Variants in C14orf180 observed in about 807,000 individuals in gnomAD.
C14orf180 encodes the protein nutritionally-regulated adipose and cardiac enriched protein homolog.
In C14orf180, 13 loss-of-function variants were observed where a neutral mutation model predicts 13.9. The ratio of observed to expected loss-of-function variants is 0.94; its 90% CI spans 0.61 to 1.49. The LOEUF (loss-of-function observed/expected upper bound fraction) is 1.49. C14orf180 is among the 40% of genes most tolerant of loss of function. The pLI, the probability that C14orf180 is intolerant of heterozygous loss-of-function variation, is 0.00. For missense variants in C14orf180, 238 were observed against 232.0 expected, an observed-to-expected ratio of 1.03 and a Z score of -0.17; for synonymous variants, 113 against 106.3, an observed-to-expected ratio of 1.06 and a Z score of -0.39.
Position 104,588,736 on chromosome 14 carries a change from C to T in C14orf180, c.436C>T (p.Leu146=). The T allele has an allele frequency of 6.5e-7, 1 of 1,535,786 alleles. No individual in the cohort carries two copies. Among genetic ancestry groups the T allele is most frequent in the South Asian group, 1.2e-5 (1 of 83,972 alleles). The change falls in exon 5 of 5, where the codon CTG becomes TTG. Residue 146 remains leucine, a synonymous_variant. Coordinates refer to ENST00000557649, the MANE Select transcript of C14orf180 (RefSeq NM_001008404.3). The part of the protein sequence containing the change: ...RARLLGLVLH[L]RHVALTCWRG... ...CCGGCTCCTCGGCCTTGTCCTGCAC[C>T]TGCGGCACGTGGCCCTCACCTGCTG...
rs1357356204 is a variant in C14orf180, at chr14:104,589,061, T to C, written c.*278T>C. ...AGAAAGAGGATTCGACTGCTAACAG[T>C]TGAGGCTCCCCAGGCTCACCCAAAG... On this transcript the variant is annotated 3_prime_UTR_variant, in exon 5 of 5. Coordinates refer to ENST00000557649, the MANE Select transcript of C14orf180 (RefSeq NM_001008404.3). The surrounding 1 kb of genome is among the most constrained non-coding windows in gnomAD (Gnocchi z 4.9). The C allele has an allele frequency of 1.1e-5, 7 of 621,542 alleles. No homozygotes were observed. The Admixed American group carries it at 2.2e-4, about 19-fold the overall frequency. The allele number at this position is 621,542 out of a possible 1,614,324, so 38.5% of individuals were successfully genotyped here.
intron 1 of C14orf180, among the ~76,000 whole-genome samples, chr14:104,580,856 G>A (rs973164862): frequency 3.9e-5 from 6 of 152,246 alleles, no homozygotes; most frequent in African/African-American, 1.4e-4. Flanking sequence ...TCTGTCTGGA[G>A]CTCTCGAGGC....
Position 104,588,664 on chromosome 14 carries a change from T to G in C14orf180, c.364T>G (p.Cys122Gly). 1 of 1,534,142 alleles carries G rather than the reference T, an allele frequency of 6.5e-7. No homozygotes were observed. Among genetic ancestry groups the G allele is most frequent in the Non-Finnish European group, 8.7e-7 (1 of 1,145,548 alleles). The change falls in exon 5 of 5, where the codon TGC (cysteine) becomes GGC (glycine). Residue 122 changes from cysteine (C) to glycine (G), a missense_variant. Transcript: ENST00000557649. ...GCTCGTGCTGGCCCTGGGCCTATAC[T>G]GCGGCCGGGCCAAGCCCGTGGCAAC... ...VLLVLALGLYCGRAKPVATAL... is the reference protein window; with the variant it reads ...VLLVLALGLYGGRAKPVATAL...
In C14orf180 at chr14:104,588,773, T is replaced by C; in HGVS notation, c.473T>C (p.Leu158Pro). The C allele has an allele frequency of 2.6e-6, 4 of 1,518,774 alleles. No homozygotes were observed. The highest frequency in any genetic ancestry group is 1.2e-5 in the South Asian group (1 of 83,484). 94.1% of individuals were successfully genotyped at this position (1,518,774 alleles called of 1,614,324 possible). A position where few individuals can be genotyped will look rare whatever the true frequency, so the allele number is the denominator to read the frequency against. ...GCCCTCACCTGCTGGCGCGGCCTCC[T>C]GCGGCTCTGACGGGCAGGACGGGCA... is the stretch of plus-strand genomic sequence containing the variant. ...HVALTCWRGL[L>P]RL The change falls in exon 5 of 5, where the codon CTG (leucine) becomes CCG (proline). Residue 158 changes from leucine to proline, a missense_variant. Transcript: ENST00000557649.
rs200983223 is a variant in C14orf180 at position 104,586,549 on chromosome 14, G to A, written c.111+8G>A. On this transcript the variant is annotated splice_region_variant and intron_variant, in intron 2 of 4. Coordinates refer to ENST00000557649, the MANE Select transcript of C14orf180 (RefSeq NM_001008404.3). ...GTGTGCAGGGCAGAGAGGGTAAGGC[G>A]GGCCGCTGGGACACAGCTTCTGCAA... 5.2e-5 allele frequency: 78 copies of A among 1,498,304 alleles called. 1 individual carries two copies. In the East Asian group the frequency reaches 1.4e-3, roughly 26 times the overall value. 92.8% of individuals were successfully genotyped at this position (1,498,304 alleles called of 1,614,324 possible).
chr14:104,588,988 C>A lies in C14orf180; in HGVS notation c.*205C>A. Reference sequence around the variant, plus strand: ...CAGCAGGCGGCCCCGCCACACTAGTCAGCACAGCCCTCCTGTCTCCTGTGT... The same window carrying A: ...CAGCAGGCGGCCCCGCCACACTAGTAAGCACAGCCCTCCTGTCTCCTGTGT... On this transcript the variant is annotated 3_prime_UTR_variant, in exon 5 of 5. Transcript: ENST00000557649. 1 of 1,037,120 alleles carries A rather than the reference C, an allele frequency of 9.6e-7. No individual in the cohort carries two copies. Among genetic ancestry groups the A allele is most frequent in the Non-Finnish European group, 1.3e-6 (1 of 741,772 alleles). 64.2% of individuals were successfully genotyped at this position (1,037,120 alleles called of 1,614,324 possible).
At chr14:104,581,637 C>CAG (rs35642910) in intron 1 of C14orf180, 8,416 of 136,932 alleles carry the variant, frequency 0.061, 306 homozygotes, top group South Asian at 0.093. Flanking sequence ...TGGGCAGGGG[C>CAG]AGAGAGAGAG....
chr14:104,584,479 G>T (rs1886547439), intron 1 of C14orf180, among the ~76,000 whole-genome samples: 1 of 152,122 alleles, frequency 6.6e-6, no homozygotes, highest in African/African-American at 2.4e-5. Flanking sequence ...AGCCCTTCCA[G>T]CCCCAGCCCT....
rs1886686008 is a variant in C14orf180 at position 104,587,856 on chromosome 14, AC to A, written c.224del (p.Pro75GlnfsTer3). 6.2e-7 allele frequency: 1 copy of A among 1,609,384 alleles called. No homozygotes were observed. The highest frequency in any genetic ancestry group is 1.3e-5 in the African/African-American group (1 of 74,804). On this transcript the variant is annotated frameshift_variant, in exon 3 of 5. Coordinates refer to ENST00000557649, the MANE Select transcript of C14orf180 (RefSeq NM_001008404.3). LOFTEE classifies it high-confidence loss of function. ...CCTCGAGGCGCGTGTGGTTCCGAGA[AC>A]CCCCAGCGGTGACCGTCCACTGTAA... The part of the protein sequence containing the change: ...RTSRRVWFRE[P>X]PAVTVHYIAD...
intron 1 of C14orf180, among the ~76,000 whole-genome samples, chr14:104,582,105 T>C (rs1886458089): frequency 6.6e-6 from 1 of 151,962 alleles, no homozygotes; most frequent in Admixed American, 6.5e-5. Flanking sequence ...CGAGGAACCC[T>C]CAGGGAGGAC....
chr14:104,590,426 C>G lies in C14orf180; in HGVS notation c.*1643C>G, dbSNP rs1886807350. 3 of 152,346 alleles carry G rather than the reference C, an allele frequency of 2.0e-5. No homozygotes were observed. The highest frequency in any genetic ancestry group is 2.0e-4 in the Admixed American group (3 of 15,294). The allele number at this position is 152,346 out of a possible 1,614,324, so 9.4% of individuals were successfully genotyped here. On this transcript the variant is annotated 3_prime_UTR_variant, in exon 5 of 5. Transcript: ENST00000557649. The stretch of plus-strand genomic sequence containing the variant: ...GGACACCGCACAGGCCGATCTCCCC[C>G]AGCCGCTGCTGTCTGTCCACTGCAA...
chr14:104,588,225 G>A (rs372128905), intron 3 of C14orf180, 49 bp from the exon 4 acceptor site: 59 of 1,612,422 alleles, frequency 3.7e-5, no homozygotes, highest in African/African-American at 9.3e-5. Context: ...GGGGGCGCCC[G>A]ATGGACTGAG....
At position 104,589,918 on chromosome 14, in the gene C14orf180, G is replaced by T. The variant is rs1317304961; in HGVS notation, c.*1135G>T. ...TAAGGAATCGGCCTCAGTGGCCAAA[G>T]CGGATGTCCTGGGCGCCTGGAACCT... On this transcript the variant is annotated 3_prime_UTR_variant, in exon 5 of 5. Coordinates refer to ENST00000557649, the MANE Select transcript of C14orf180 (RefSeq NM_001008404.3). The surrounding 1 kb of genome is among the most constrained non-coding windows in gnomAD (Gnocchi z 4.9). 6.6e-6 allele frequency: 1 copy of T among 152,218 alleles called. No homozygotes were observed. The highest frequency in any genetic ancestry group is 1.9e-4 in the East Asian group (1 of 5,186). The allele number at this position is 152,218 out of a possible 1,614,324, so 9.4% of individuals were successfully genotyped here.
intron 2 of C14orf180, among the ~76,000 whole-genome samples, chr14:104,587,060 C>T (rs1886654346): frequency 6.6e-6 from 1 of 152,194 alleles, no homozygotes; most frequent in Non-Finnish European, 1.5e-5. Flanking sequence ...CTGTGTACAG[C>T]GAGCAATGCC....
chr14:104,588,650 C>T lies in C14orf180; in HGVS notation c.350C>T (p.Ala117Val), dbSNP rs1191211817. Residue 117 changes from alanine (A) to valine (V), a missense_variant, in exon 5 of 5, where the codon GCC becomes GTC. Coordinates refer to ENST00000557649, the MANE Select transcript of C14orf180 (RefSeq NM_001008404.3). ...QLCVCVLLVLALGLYCGRAKP... is the reference protein window; with the variant it reads ...QLCVCVLLVLVLGLYCGRAKP... Reference sequence around the variant, plus strand: ...TGTGTGTGCGTCCTGCTCGTGCTGGCCCTGGGCCTATACTGCGGCCGGGCC... The same window carrying T: ...TGTGTGTGCGTCCTGCTCGTGCTGGTCCTGGGCCTATACTGCGGCCGGGCC... 6.5e-7 allele frequency: 1 copy of T among 1,530,662 alleles called. No homozygotes were observed. The allele number at this position is 1,530,662 out of a possible 1,614,324, so 94.8% of individuals were successfully genotyped here. A position where few individuals can be genotyped will look rare whatever the true frequency, so the allele number is the denominator to read the frequency against.
At chr14:104,584,904 C>T (rs1019972559) in intron 1 of C14orf180, among the ~76,000 whole-genome samples, 1 of 152,232 alleles carries the variant, frequency 6.6e-6, no homozygotes, top group Admixed American at 6.5e-5. Flanking sequence ...CATGGCCACC[C>T]TGTTATCTCC....
intron 1 of C14orf180, among the ~76,000 whole-genome samples, chr14:104,583,152 G>A (rs753220859): frequency 6.6e-5 from 10 of 151,242 alleles, no homozygotes; most frequent in Admixed American, 1.3e-4. Flanking sequence ...AGGGGACCGC[G>A]GAGCTCAGGG....
chr14:104,585,918 G>A (rs1367200131), intron 1 of C14orf180, among the ~76,000 whole-genome samples: 1 of 152,186 alleles, frequency 6.6e-6, no homozygotes, highest in Non-Finnish European at 1.5e-5. Context: ...CCAAAAAGGT[G>A]GGCATGACCC....
At chr14:104,582,096 G>A (rs1321499862) in intron 1 of C14orf180, among the ~76,000 whole-genome samples, 5 of 152,174 alleles carry the variant, frequency 3.3e-5, no homozygotes, top group Non-Finnish European at 5.9e-5. Flanking sequence ...TGCCCGCCCC[G>A]AGGAACCCTC....
Sources: gnomAD v4.1 joint callset for allele counts (sites outside exome capture counted in the v4.1 genomes callset) on GRCh38, gnomAD v4.1.1 for gene constraint, Gnocchi (gnomAD v3.1) non-coding constraint, MANE v1.5 for transcripts, NCBI Gene and HGNC (gene_info 2026-07-23, HGNC 2026-07-21) for gene names.